SASH1: variants seen among roughly 807,000 people sequenced by gnomAD.
The protein encoded by SASH1 is SAM and SH3 domain-containing protein 1.
In SASH1, 44 loss-of-function variants were observed where a neutral mutation model predicts 125.2. The observed-to-expected ratio is 0.35, with a 90% CI of 0.28 to 0.45. The LOEUF (loss-of-function observed/expected upper bound fraction) is 0.45. SASH1 is among the 20% of genes least tolerant of loss of function. The probability of loss-of-function intolerance (pLI) is 1.00; values close to 1 mark genes in which losing one functional copy is unlikely to be tolerated. For missense variants in SASH1, 1,426 were observed against 1,614.5 expected (o/e 0.88, Z 2.00); for synonymous variants, 639 against 649.1 (o/e 0.98, Z 0.24).
chr6:148,516,531 A>G (rs889901558), intron 9 of SASH1, among the ~76,000 whole-genome samples: 2 of 117,718 alleles, frequency 1.7e-5, no homozygotes, highest in African/African-American at 3.3e-5. Flanking sequence ...TGGACTTACA[A>G]AGGGTTGATC....
the SASH1 span, among the ~76,000 whole-genome samples, chr6:148,208,397 G>A: frequency 6.6e-6 from 1 of 152,320 alleles, no homozygotes; most frequent in African/African-American, 2.4e-5. Context: ...AACTACAGCA[G>A]CCATTTGTCA....
At chr6:148,442,121 T>G (rs552957547) in intron 4 of SASH1, among the ~76,000 whole-genome samples, 143 of 152,310 alleles carry the variant, frequency 9.4e-4, no homozygotes, top group African/African-American at 2.4e-3. Flanking sequence ...GTGCAGTGGC[T>G]CAGGCCTGTA....
chr6:148,362,041 G>A (rs1782242959), intron 1 of SASH1, among the ~76,000 whole-genome samples: 2 of 150,122 alleles, frequency 1.3e-5, no homozygotes, highest in East Asian at 3.9e-4. Flanking sequence ...AGCCTCCCGA[G>A]TAGCTGGGAC....
At position 148,548,754 on chromosome 6, in the gene SASH1, T is replaced by G; in HGVS notation, c.*196T>G. 5.5e-6 allele frequency: 3 copies of G among 543,626 alleles called. No homozygotes were observed. Among genetic ancestry groups the G allele is most frequent in the East Asian group, 3.0e-5 (1 of 32,832 alleles). The allele number at this position is 543,626 out of a possible 1,614,324, so 33.7% of individuals were successfully genotyped here. A position where few individuals can be genotyped will look rare whatever the true frequency, so the allele number is the denominator to read the frequency against. On this transcript the variant is annotated 3_prime_UTR_variant, in exon 20 of 20. Transcript: ENST00000367467. The stretch of plus-strand genomic sequence containing the variant: ...GAAAAGCCCCCTCGAGGAAATAAAT[T>G]AGTGCGGTTCTCTTTGACCCCCAAA...
chr6:148,292,532 A>C (rs1363274590), intron 1 of SASH1, among the ~76,000 whole-genome samples: 1 of 152,158 alleles, frequency 6.6e-6, no homozygotes, highest in Non-Finnish European at 1.5e-5. Context: ...TCTACACCTC[A>C]AAAAATAGCC....
At chr6:148,447,208 T>C (rs1447265132) in intron 4 of SASH1, among the ~76,000 whole-genome samples, 1 of 152,240 alleles carries the variant, frequency 6.6e-6, no homozygotes, top group East Asian at 1.9e-4. Context: ...TTCACTTTTT[T>C]TCATTATCTG....
chr6:148,513,252 C>T (rs1427304996), intron 8 of SASH1: 3 of 985,374 alleles, frequency 3.0e-6, no homozygotes, highest in East Asian at 1.1e-4. Flanking sequence ...ATTTATCTTC[C>T]TACTGTTCCA....
At chr6:148,525,513 TGCCTTACA>T (rs1184771661) in intron 11 of SASH1, 148 bp downstream of exon 11, 1 of 676,952 alleles carries the variant, frequency 1.5e-6, no homozygotes, top group Non-Finnish European at 2.6e-6. Context: ...CTATTTCACT[TGCCTTACA>T]GACTCCACTG....
intron 1 of SASH1, among the ~76,000 whole-genome samples, chr6:148,293,870 A>G (rs558075701): frequency 6.6e-6 from 1 of 152,198 alleles, no homozygotes; most frequent in African/African-American, 2.4e-5. Flanking sequence ...CTAGTCTCTC[A>G]CTGGAACTTG....
intron 2 of SASH1, among the ~76,000 whole-genome samples, chr6:148,403,881 A>G (rs1447875085): frequency 6.6e-6 from 1 of 152,244 alleles, no homozygotes; most frequent in Non-Finnish European, 1.5e-5. Flanking sequence ...TATGATTCAT[A>G]TACCATAATA....
At chr6:148,457,722 T>A (rs1159499335) in intron 4 of SASH1, among the ~76,000 whole-genome samples, 2 of 152,186 alleles carry the variant, frequency 1.3e-5, no homozygotes, top group African/African-American at 4.8e-5. Flanking sequence ...TACCCAAGAC[T>A]GAGTAATTTA....
intron 8 of SASH1, among the ~76,000 whole-genome samples, chr6:148,508,196 T>TGG (rs1779912249): frequency 6.6e-6 from 1 of 151,996 alleles, no homozygotes; most frequent in Non-Finnish European, 1.5e-5. Context: ...TAAAAAGGAA[T>TGG]GGGGAGAGAG....
chr6:148,452,944 T>C (rs933288696), intron 4 of SASH1, among the ~76,000 whole-genome samples: 6 of 152,230 alleles, frequency 3.9e-5, no homozygotes, highest in Non-Finnish European at 7.3e-5. Flanking sequence ...GAAGCGTGCG[T>C]TTGTGCAGGC....
At chr6:148,232,682 C>T in the SASH1 span, among the ~76,000 whole-genome samples, 1 of 152,106 alleles carries the variant, frequency 6.6e-6, no homozygotes, top group Non-Finnish European at 1.5e-5. Context: ...AATCTCTAAG[C>T]CAAAGATTGT....
chr6:148,415,264 C>G (rs1375676369), intron 2 of SASH1, among the ~76,000 whole-genome samples: 2 of 152,120 alleles, frequency 1.3e-5, no homozygotes, highest in Non-Finnish European at 2.9e-5. Context: ...CTAGGAAGTT[C>G]TGATTACTCT....
chr6:148,514,288 T>C, intron 8 of SASH1, 36 bp from the exon 9 acceptor site: 1 of 1,585,600 alleles, frequency 6.3e-7, no homozygotes, highest in South Asian at 1.1e-5. Context: ...CTCGGAGCAA[T>C]TACCTGATTA....
the SASH1 span, among the ~76,000 whole-genome samples, chr6:148,236,354 C>G: frequency 6.6e-6 from 1 of 151,984 alleles, no homozygotes; most frequent in Non-Finnish European, 1.5e-5. Flanking sequence ...GCTGGGATTA[C>G]AGGCACCCAC....
At chr6:148,194,087 A>C in the SASH1 span, among the ~76,000 whole-genome samples, 1 of 152,186 alleles carries the variant, frequency 6.6e-6, no homozygotes, top group Non-Finnish European at 1.5e-5. Flanking sequence ...TCTAAGACTA[A>C]CCTTTGTGAT....
At chr6:148,454,812 T>C (rs1777261466) in intron 4 of SASH1, among the ~76,000 whole-genome samples, 1 of 152,200 alleles carries the variant, frequency 6.6e-6, no homozygotes, top group African/African-American at 2.4e-5. Flanking sequence ...TGCTTCCACT[T>C]TCTAAATTCT....
Sources: gnomAD v4.1 joint callset for allele counts (sites outside exome capture counted in the v4.1 genomes callset) on GRCh38, gnomAD v4.1.1 for gene constraint, MANE v1.5 for transcripts, NCBI Gene and HGNC (gene_info 2026-07-23, HGNC 2026-07-21) for gene names.